The following IRGM variants were observed in gnomAD, a reference collection of about 807,000 sequenced individuals.
IRGM encodes immunity related GTPase M.
For synonymous variants in IRGM, 98 were observed against 80.6 expected, an observed-to-expected ratio of 1.22 and a Z score of -1.16; for missense variants, 288 against 219.9, an observed-to-expected ratio of 1.31 and a Z score of -1.96.
intron 3 of IRGM, chr5:150,898,549 T>C: frequency 2.5e-6 from 4 of 1,600,838 alleles, no homozygotes; most frequent in Non-Finnish European, 3.4e-6. Context: ...TGAATGATAC[T>C]AACCCCTGTA....
At position 150,895,321 on chromosome 5, in the gene IRGM, T is replaced by C. The variant is rs1334032803; in HGVS notation, c.*141-5268T>C. The stretch of plus-strand genomic sequence containing the variant: ...AACTAGAAACAAATTCCCTTAAAAA[T>C]TTTTATCTATTGGGATGTTGTCCCC... On this transcript the variant is annotated intron_variant and NMD_transcript_variant, in intron 3 of 3. Transcript: ENST00000520549. 5.7e-6 allele frequency: 5 copies of C among 875,488 alleles called. No homozygotes were observed. In the East Asian group the frequency reaches 1.4e-4, roughly 25 times the overall value. 54.2% of individuals were successfully genotyped at this position (875,488 alleles called of 1,614,324 possible).
chr5:150,882,541 T>C (rs559161268), intron 3 of IRGM, among the ~76,000 whole-genome samples: 2 of 152,150 alleles, frequency 1.3e-5, no homozygotes, highest in South Asian at 4.1e-4. Context: ...AGATAAACCA[T>C]GTAAATAAAA....
intron 3 of IRGM, among the ~76,000 whole-genome samples, chr5:150,894,152 G>A (rs1260492067): frequency 6.6e-6 from 1 of 152,064 alleles, no homozygotes; most frequent in Non-Finnish European, 1.5e-5. Flanking sequence ...TTATCACACA[G>A]GTATTCTCAT....
At chr5:150,865,579 G>A (rs1754196525) in intron 1 of IRGM, among the ~76,000 whole-genome samples, 1 of 152,108 alleles carries the variant, frequency 6.6e-6, no homozygotes, top group South Asian at 2.1e-4. Flanking sequence ...TACTTACACT[G>A]GCTAAAATAG....
chr5:150,889,660 C>T (rs1348815652), intron 3 of IRGM, among the ~76,000 whole-genome samples: 1 of 151,882 alleles, frequency 6.6e-6, no homozygotes, highest in Admixed American at 6.6e-5. Flanking sequence ...TTGCTTTGTT[C>T]TTTATTTTAA....
At chr5:150,853,603 T>C (rs988605034), downstream of IRGM, among the ~76,000 whole-genome samples, 14 of 152,132 alleles carry the variant, frequency 9.2e-5, no homozygotes, top group African/African-American at 3.4e-4. Flanking sequence ...CATATGTTTA[T>C]AATTATTATA....
At chr5:150,897,581 T>C (rs975528995) in intron 3 of IRGM, 8 of 159,132 alleles carry the variant, frequency 5.0e-5, no homozygotes, top group Non-Finnish European at 9.6e-5. Flanking sequence ...TTTGTTCATA[T>C]ACTCTCTCTC....
intron 1 of IRGM, among the ~76,000 whole-genome samples, chr5:150,859,571 T>G (rs553861614): frequency 1.4e-4 from 21 of 152,054 alleles, no homozygotes; most frequent in Non-Finnish European, 2.6e-4. Context: ...CTTTTTTTGG[T>G]TGGTAAGCTA....
At chr5:150,856,754 G>A (rs1754057886) in intron 1 of IRGM, among the ~76,000 whole-genome samples, 1 of 151,492 alleles carries the variant, frequency 6.6e-6, no homozygotes, top group Non-Finnish European at 1.5e-5. Context: ...ACAGGTGTGA[G>A]CCACTGCATG....
intron 3 of IRGM, chr5:150,895,506 T>A: frequency 6.2e-7 from 1 of 1,613,544 alleles, no homozygotes. Flanking sequence ...TATAGCACAT[T>A]GATAGGGTCT....
intron 1 of IRGM, among the ~76,000 whole-genome samples, chr5:150,860,765 A>C (rs1754124371): frequency 6.6e-6 from 1 of 152,140 alleles, no homozygotes. Flanking sequence ...TCACACAGAC[A>C]CAGCTACTAG....
intron 1 of IRGM, among the ~76,000 whole-genome samples, chr5:150,867,059 G>C (rs960906276): frequency 3.3e-5 from 5 of 152,152 alleles, no homozygotes; most frequent in Non-Finnish European, 5.9e-5. Context: ...AACAGGTGGT[G>C]TTTGGTTACA....
chr5:150,895,571 C>A, intron 3 of IRGM: 1 of 1,613,504 alleles, frequency 6.2e-7, no homozygotes, highest in Non-Finnish European at 8.5e-7. Flanking sequence ...GAGAAAAGGC[C>A]TTTCCACATT....
chr5:150,846,963 T>A lies in IRGM; in HGVS notation c.-673T>A, dbSNP rs1460148389. ...AGTAGGAAATCACATCACCTTCTTT[T>A]AATCAGTCTCAAATACCTGGCCCCT... On this transcript the variant is annotated 5_prime_UTR_variant, in exon 1 of 2. Coordinates refer to ENST00000522154, the MANE Select transcript of IRGM (RefSeq NM_001145805.2). 6.6e-6 allele frequency: 1 copy of A among 152,538 alleles called. No individual in the cohort carries two copies. Among genetic ancestry groups the A allele is most frequent in the African/African-American group, 2.4e-5 (1 of 41,456 alleles). The allele number at this position is 152,538 out of a possible 1,614,324, so 9.4% of individuals were successfully genotyped here.
intron 1 of IRGM, among the ~76,000 whole-genome samples, chr5:150,869,515 T>C (rs1345294103): frequency 2.6e-5 from 4 of 152,126 alleles, no homozygotes; most frequent in African/African-American, 9.7e-5. Flanking sequence ...GAGAGGATTC[T>C]CTCTTTCCCT....
intron 1 of IRGM, among the ~76,000 whole-genome samples, chr5:150,855,595 G>A (rs1007948427): frequency 2.6e-5 from 4 of 152,156 alleles, no homozygotes; most frequent in African/African-American, 7.2e-5. Flanking sequence ...TGAGGTCAGC[G>A]TACTAGGTCT....
intron 1 of IRGM, among the ~76,000 whole-genome samples, chr5:150,862,305 G>A (rs1754147771): frequency 6.6e-6 from 1 of 152,206 alleles, no homozygotes; most frequent in South Asian, 2.1e-4. Context: ...TAGTCACAGA[G>A]TGACACCCCA....
At chr5:150,899,363 G>A (rs1251943071) in intron 3 of IRGM, among the ~76,000 whole-genome samples, 1 of 151,790 alleles carries the variant, frequency 6.6e-6, no homozygotes, top group Non-Finnish European at 1.5e-5. Flanking sequence ...TAAGACACAG[G>A]AGAATTTTAA....
Position 150,878,733 on chromosome 5 carries a change from A to G in IRGM, c.*78+619A>G, listed in dbSNP as rs181790717. Among the ~76,000 whole-genome samples the G allele has an allele frequency of 1.1e-4, 16 of 151,854 alleles. No individual in the cohort carries two copies. The East Asian group carries it at 2.3e-3, about 22-fold the overall frequency. On this transcript the variant is annotated intron_variant and NMD_transcript_variant, in intron 2 of 3. Coordinates refer to the IRGM transcript ENST00000520549. ...TTATAAGGTCTATATAATTATTATTATTGTGTAATTATTATTATTGGAAAA... is the reference window on the plus strand; with the variant it reads ...TTATAAGGTCTATATAATTATTATTGTTGTGTAATTATTATTATTGGAAAA...
Sources: allele counts gnomAD v4.1 joint callset (sites outside exome capture counted in the v4.1 genomes callset), GRCh38; gene constraint gnomAD v4.1.1; transcripts MANE v1.5; gene names NCBI Gene and HGNC (gene_info 2026-07-23, HGNC 2026-07-21).